The following PRRC2B variants were observed in gnomAD, a reference collection of about 807,000 sequenced individuals.
PRRC2B encodes the protein proline rich coiled-coil 2B.
In PRRC2B, 68 loss-of-function variants were observed where a neutral mutation model predicts 242.3. That is an observed-to-expected ratio of 0.28 (90% confidence interval 0.23 to 0.34). The LOEUF is 0.34. Ranked by LOEUF, PRRC2B falls within the 10% of genes least tolerant of loss-of-function variation. The pLI is 1.00. For synonymous variants in PRRC2B, 1,228 were observed against 1,173.6 expected (o/e 1.05, Z -0.95); for missense variants, 2,835 against 2,954.8 (o/e 0.96, Z 0.94).
chr9:131,409,505 T>G (rs926417739), intron 1 of PRRC2B, among the ~76,000 whole-genome samples: 6 of 152,250 alleles, frequency 3.9e-5, no homozygotes, highest in African/African-American at 1.4e-4. Flanking sequence ...CTTTTGAATT[T>G]GTCTTACTGA....
At position 131,487,776 on chromosome 9, in the gene PRRC2B, C is replaced by G; in HGVS notation, c.5985-80C>G. ...GGGGATCTGTGGTTTAGCAAGCTCT[C>G]CGGGGATCTCTGAAGGGTGGGACCA... On this transcript the variant is annotated intron_variant, in intron 27 of 31. Coordinates refer to ENST00000683519, the MANE Select transcript of PRRC2B (RefSeq NM_013318.4). The surrounding 1 kb of genome is among the most constrained non-coding windows in gnomAD (Gnocchi z 5.3). 1 of 1,537,600 alleles carries G rather than the reference C, an allele frequency of 6.5e-7. No homozygotes were observed. Among genetic ancestry groups the G allele is most frequent in the African/African-American group, 1.4e-5 (1 of 73,600 alleles).
Position 131,430,274 on chromosome 9 carries a change from T to C in PRRC2B, c.115+15T>C, listed in dbSNP as rs774823191. 6.8e-7 allele frequency: 1 copy of C among 1,474,950 alleles called. No homozygotes were observed. The highest frequency in any genetic ancestry group is 1.9e-5 in the Admixed American group (1 of 52,852). 91.4% of individuals were successfully genotyped at this position (1,474,950 alleles called of 1,614,324 possible). A position where few individuals can be genotyped will look rare whatever the true frequency, so the allele number is the denominator to read the frequency against. On this transcript the variant is annotated intron_variant, in intron 2 of 31. Transcript: ENST00000683519. The stretch of plus-strand genomic sequence containing the variant: ...TAGATCCTCAGGTAAGGCCCAGGGT[T>C]GAAGGCCAGTTCCTCAAACTTTCTC...
chr9:131,448,543 C>CAAAAAAAAAAAAAAAAAAAAAAAA lies in PRRC2B; in HGVS notation c.1120+743_1120+766dup, dbSNP rs754661321. Among the ~76,000 whole-genome samples the CAAAAAAAAAAAAAAAAAAAAAAAA allele has an allele frequency of 4.8e-3, 192 of 39,888 alleles. 71 individuals carry two copies. The highest frequency in any genetic ancestry group is 7.7e-3 in the East Asian group (13 of 1,678). The allele number at this position is 39,888 out of a possible 152,430, so 26.2% of individuals were successfully genotyped here. A position where few individuals can be genotyped will look rare whatever the true frequency, so the allele number is the denominator to read the frequency against. ...TGGGCGACAGAGGGAGACACTGTCT[C>CAAAAAAAAAAAAAAAAAAAAAAAA]AAAAAAAAAAAAAAAAAAAAAAAAA... is the stretch of plus-strand genomic sequence containing the variant. On this transcript the variant is annotated intron_variant, in intron 9 of 31. Transcript: ENST00000683519.
intron 1 of PRRC2B, among the ~76,000 whole-genome samples, chr9:131,384,510 C>G (rs994071169): frequency 5.9e-5 from 9 of 152,030 alleles, no homozygotes; most frequent in Non-Finnish European, 1.3e-4. Context: ...TTTCAAACTC[C>G]TGACCTCAAG....
intron 10 of PRRC2B, 109 bp downstream of exon 10, chr9:131,455,275 C>A: frequency 1.3e-6 from 1 of 742,098 alleles, no homozygotes; most frequent in South Asian, 1.8e-5. Flanking sequence ...CAGACAGATG[C>A]TGTTTCCACT....
intron 1 of PRRC2B, among the ~76,000 whole-genome samples, chr9:131,417,057 A>G (rs920407176): frequency 1.3e-5 from 2 of 152,096 alleles, no homozygotes; most frequent in African/African-American, 4.8e-5. Context: ...TCGGGCACAC[A>G]GCTGATTGGA....
chr9:131,478,028 G>A, intron 17 of PRRC2B, 79 bp downstream of exon 17: 1 of 1,317,586 alleles, frequency 7.6e-7, no homozygotes, highest in Non-Finnish European at 1.1e-6. Flanking sequence ...TCCCGAGTTT[G>A]CCCTTGCACT....
intron 9 of PRRC2B, among the ~76,000 whole-genome samples, chr9:131,454,604 C>T (rs1000831336): frequency 7.9e-5 from 12 of 151,462 alleles, no homozygotes; most frequent in African/African-American, 2.7e-4. Flanking sequence ...AGAACCTCTC[C>T]GATGGTGCCT....
chr9:131,386,344 T>C (rs1438067730), intron 1 of PRRC2B, among the ~76,000 whole-genome samples: 1 of 150,264 alleles, frequency 6.7e-6, no homozygotes, highest in Non-Finnish European at 1.5e-5. Flanking sequence ...CTTGAACTCC[T>C]GGGTTCAAGC....
Position 131,380,433 on chromosome 9 carries a change from G to A in PRRC2B, c.-56+6702G>A, listed in dbSNP as rs181566408. ...TCTCTACTAAAAATACAACAAATTA[G>A]CCAGGCGTGGTGGTGCGTGCCTGTA... is the stretch of plus-strand genomic sequence containing the variant. On this transcript the variant is annotated intron_variant, in intron 1 of 1. Transcript: ENST00000682525. 3.8e-3 allele frequency among the ~76,000 whole-genome samples: 582 copies of A among 151,872 alleles called. 2 individuals carry two copies. The highest frequency in any genetic ancestry group is 0.013 in the African/African-American group (556 of 41,428).
At chr9:131,476,911 G>A (rs1365399280) in intron 16 of PRRC2B, among the ~76,000 whole-genome samples, 2 of 152,200 alleles carry the variant, frequency 1.3e-5, no homozygotes, top group African/African-American at 2.4e-5. Flanking sequence ...GCTGCCAGGC[G>A]GCGTCCTAGG....
In PRRC2B at chr9:131,449,480, T is replaced by G. The variant is rs143678012; in HGVS notation, c.1120+1676T>G. The stretch of plus-strand genomic sequence containing the variant: ...GTGTTTTTAATTTTAGTCATTCTAG[T>G]GGGTGTTTAGTGGTATCTCATTGTG... On this transcript the variant is annotated intron_variant, in intron 9 of 31. Coordinates refer to ENST00000683519, the MANE Select transcript of PRRC2B (RefSeq NM_013318.4). Among the ~76,000 whole-genome samples, 438 of 152,290 alleles carry G rather than the reference T, an allele frequency of 2.9e-3. 1 individual carries two copies. Among genetic ancestry groups the G allele is most frequent in the Middle Eastern group, 0.014 (4 of 294 alleles).
At chr9:131,387,450 A>T (rs578033912) in intron 1 of PRRC2B, among the ~76,000 whole-genome samples, 1 of 150,410 alleles carries the variant, frequency 6.6e-6, no homozygotes, top group Non-Finnish European at 1.5e-5. Flanking sequence ...AGACACACCC[A>T]GGATTAATAC....
rs116010080 is a variant in PRRC2B at position 131,385,643 on chromosome 9, G to A, written c.-56+11912G>A. ...TAACAGTCTTGCAAGTGTTAATTAAGTTATCTTAGCAGCATGCCTGGCCCA... is the reference window on the plus strand; with the variant it reads ...TAACAGTCTTGCAAGTGTTAATTAAATTATCTTAGCAGCATGCCTGGCCCA... On this transcript the variant is annotated intron_variant, in intron 1 of 1. Coordinates refer to the PRRC2B transcript ENST00000682525. 2.5e-3 allele frequency among the ~76,000 whole-genome samples: 377 copies of A among 150,764 alleles called. 12 individuals are homozygous for A. The highest frequency in any genetic ancestry group is 0.014 in the Middle Eastern group (4 of 292).
chr9:131,464,434 C>T (rs895869274), intron 11 of PRRC2B, among the ~76,000 whole-genome samples: 4 of 152,298 alleles, frequency 2.6e-5, no homozygotes, highest in African/African-American at 2.4e-5. Context: ...GCATGCCCAT[C>T]AGCAGTGGTG....
intron 5 of PRRC2B, among the ~76,000 whole-genome samples, chr9:131,442,107 A>G (rs1309475796): frequency 6.6e-6 from 1 of 151,872 alleles, no homozygotes; most frequent in Non-Finnish European, 1.5e-5. Context: ...TTTTTTCCTA[A>G]TTTCAAATCT....
rs369171110 is a variant in PRRC2B at position 131,459,221 on chromosome 9, G to A, written c.1269G>A (p.Ala423=). ...TGTCAATGAGCTCTGCAGACAGTGC[G>A]GACGCTAAGCGGACTCGAGAGGAAG... ...RQLSMSSADS[A]DAKRTREEGK... is the part of the protein sequence containing the mutation. The change falls in exon 11 of 32, where the codon GCG becomes GCA. Residue 423 remains alanine, a synonymous_variant. Transcript: ENST00000683519. 6.2e-6 allele frequency: 10 copies of A among 1,613,872 alleles called. No individual in the cohort carries two copies. The highest frequency in any genetic ancestry group is 3.3e-5 in the South Asian group (3 of 91,090).
At chr9:131,460,525 G>A (rs901010529) in intron 11 of PRRC2B, among the ~76,000 whole-genome samples, 13 of 152,142 alleles carry the variant, frequency 8.5e-5, no homozygotes, top group African/African-American at 2.9e-4. Context: ...CGTGCACTTT[G>A]GTCTCTTGAT....
intron 1 of PRRC2B, among the ~76,000 whole-genome samples, chr9:131,396,367 C>A (rs1469340709): frequency 6.8e-6 from 1 of 147,822 alleles, no homozygotes; most frequent in African/African-American, 2.5e-5. Context: ...ACTCTGTCGC[C>A]CAGGCTGGAG....
Sources: gnomAD v4.1 joint callset for allele counts (sites outside exome capture counted in the v4.1 genomes callset) on GRCh38, gnomAD v4.1.1 for gene constraint, Gnocchi (gnomAD v3.1) non-coding constraint, MANE v1.5 for transcripts, NCBI Gene and HGNC (gene_info 2026-07-23, HGNC 2026-07-21) for gene names.